The following GPM6B variants were observed in gnomAD, a reference collection of about 807,000 sequenced individuals.
GPM6B encodes the protein glycoprotein M6B, also known as neuronal membrane glycoprotein M6-b.
Under a neutral mutation model 27.2 loss-of-function variants are expected in GPM6B, and 4 were observed. That is an observed-to-expected ratio of 0.15 (90% CI 0.07 to 0.34). The LOEUF is 0.34. Ranked by LOEUF, GPM6B falls within the 10% of genes least tolerant of loss-of-function variation. GPM6B has a pLI of 1.00. For missense variants in GPM6B, 183 were observed against 261.9 expected, an observed-to-expected ratio of 0.70 and a Z score of 2.08; for synonymous variants, 124 against 103.1, an observed-to-expected ratio of 1.20 and a Z score of -1.23.
chrX:13,808,933 G>A (rs747925720), intron 1 of GPM6B, among the ~76,000 whole-genome samples: 14 of 112,101 alleles, frequency 1.2e-4, no homozygotes, highest in Admixed American at 2.8e-4. Flanking sequence ...TTCAAGGTAA[G>A]GTATACATAA....
intron 1 of GPM6B, among the ~76,000 whole-genome samples, chrX:13,878,914 T>C: frequency 8.9e-6 from 1 of 111,954 alleles, no homozygotes; most frequent in Non-Finnish European, 1.9e-5. Flanking sequence ...ATGTAGCCTC[T>C]AGAAGGTGGA....
At chrX:13,837,723 G>GGA (rs2049519684) in intron 1 of GPM6B, among the ~76,000 whole-genome samples, 1 of 86,025 alleles carries the variant, frequency 1.2e-5, no homozygotes, top group Non-Finnish European at 2.4e-5. Context: ...GGGGGGGGGG[G>GGA]GGGGGAAGCA....
chrX:13,817,786 T>C (rs1023656326), upstream of GPM6B, among the ~76,000 whole-genome samples: 2 of 112,190 alleles, frequency 1.8e-5, no homozygotes, highest in Admixed American at 9.5e-5. Flanking sequence ...CCCTTGTCTA[T>C]AGTTAATATA....
At chrX:13,916,749 T>C (rs1045538030) in intron 1 of GPM6B, among the ~76,000 whole-genome samples, 8 of 107,721 alleles carry the variant, frequency 7.4e-5, no homozygotes, top group African/African-American at 2.4e-4. Context: ...TTGGCTAAAA[T>C]GGGACTTCTG....
chrX:13,794,373 C>T (rs5979973), intron 2 of GPM6B, among the ~76,000 whole-genome samples: 32,274 of 109,497 alleles, frequency 0.29, 3,680 homozygotes, highest in Non-Finnish European at 0.35. Context: ...TTCATTAAAA[C>T]GCAGATTCTG....
chrX:13,780,568 A>T (rs1401852927), intron 4 of GPM6B, among the ~76,000 whole-genome samples: 1 of 112,144 alleles, frequency 8.9e-6, no homozygotes, highest in Admixed American at 9.4e-5. Context: ...AATCACGAAT[A>T]CAAGCTTAAT....
rs3747420 is a variant in GPM6B, at chrX:13,816,977, T to C, written c.-73A>G. 0.31 allele frequency: 356,102 copies of C among 1,151,297 alleles called. 40,250 individuals are homozygous for C. The highest frequency in any genetic ancestry group is 0.34 in the Non-Finnish European group (296,325 of 869,865). The allele number at this position is 1,151,297 out of a possible 1,213,427, so 94.9% of individuals were successfully genotyped here. A position where few individuals can be genotyped will look rare whatever the true frequency, so the allele number is the denominator to read the frequency against. On this transcript the variant is annotated 5_prime_UTR_variant, in exon 1 of 8. Transcript: ENST00000316715. ...TGTTTTTCCTCCTCTTCCTTTTCTT[T>C]TGGACTCCCCTCCGTCTCTTATTTA...
chrX:13,781,889 C>G (rs2048522778), intron 4 of GPM6B, among the ~76,000 whole-genome samples: 1 of 112,047 alleles, frequency 8.9e-6, no homozygotes, highest in East Asian at 2.8e-4. Context: ...TGGCTGATAC[C>G]TGTTTCAGAT....
rs190490622 is a variant in GPM6B at position 13,804,918 on chromosome X, A to G, written c.181+2732T>C. On this transcript the variant is annotated intron_variant, in intron 2 of 7. Coordinates refer to ENST00000316715, the MANE Select transcript of GPM6B (RefSeq NM_001001995.3). ...GGCAACGGCATTGATTTAGGACCCA[A>G]CAAAATCTGTAAGTGTCTGGAAAGG... is the stretch of plus-strand genomic sequence containing the variant. Among the ~76,000 whole-genome samples, 62 of 111,712 alleles carry G rather than the reference A, an allele frequency of 5.5e-4. 1 individual carries two copies. Among genetic ancestry groups the G allele is most frequent in the South Asian group, 3.8e-4 (1 of 2,618 alleles).
At chrX:13,822,533 A>ATT (rs1226831480) in intron 1 of GPM6B, among the ~76,000 whole-genome samples, 3 of 98,653 alleles carry the variant, frequency 3.0e-5, no homozygotes, top group Admixed American at 1.1e-4. Context: ...CGCCCAGCTA[A>ATT]TTTTTTTTTT....
At chrX:13,810,188 C>A (rs761065161) in intron 1 of GPM6B, among the ~76,000 whole-genome samples, 75 of 111,441 alleles carry the variant, frequency 6.7e-4, no homozygotes, top group African/African-American at 2.2e-3. Context: ...GAGATTCTCT[C>A]TCAGAAATAG....
chrX:13,803,151 A>G (rs1445142872), intron 2 of GPM6B, among the ~76,000 whole-genome samples: 1 of 111,700 alleles, frequency 9.0e-6, no homozygotes, highest in East Asian at 2.8e-4. Flanking sequence ...TCTACAAAGC[A>G]GATCAGTGAG....
intron 1 of GPM6B, among the ~76,000 whole-genome samples, chrX:13,845,978 G>C (rs973963211): frequency 1.8e-4 from 20 of 111,919 alleles, no homozygotes; most frequent in African/African-American, 5.9e-4. Flanking sequence ...GGGACACTGT[G>C]TCCAAACTGA....
chrX:13,830,283 T>G (rs763877888), intron 1 of GPM6B, among the ~76,000 whole-genome samples: 16 of 112,030 alleles, frequency 1.4e-4, no homozygotes, highest in Non-Finnish European at 2.8e-4. Flanking sequence ...ACACTTTCTG[T>G]TCTAAGCTCA....
At chrX:13,930,100 C>A (rs1354186730) in intron 1 of GPM6B, among the ~76,000 whole-genome samples, 6 of 111,835 alleles carry the variant, frequency 5.4e-5, no homozygotes, top group East Asian at 5.6e-4. Flanking sequence ...AATACTTTTT[C>A]TTTTGGCAGA....
At chrX:13,810,929 A>G (rs1016242342) in intron 1 of GPM6B, among the ~76,000 whole-genome samples, 1 of 111,842 alleles carries the variant, frequency 8.9e-6, no homozygotes, top group African/African-American at 3.2e-5. Context: ...AAATTTAAAT[A>G]AAGGCATTAA....
rs1450040496 is a variant in GPM6B at position 13,860,728 on chromosome X, C to CA, written c.-197-74921dup. 2.3e-4 allele frequency among the ~76,000 whole-genome samples: 25 copies of CA among 109,748 alleles called. No individual in the cohort carries two copies. The Admixed American group carries it at 2.5e-3, about 11-fold the overall frequency. ...GTGATTTCTGAGATTTTGGTGCACC[C>CA]ATAGCCCAAGCAGTGTACACTGTAC... On this transcript the variant is annotated intron_variant, in intron 1 of 6. Coordinates refer to the GPM6B transcript ENST00000398361.
intron 1 of GPM6B, among the ~76,000 whole-genome samples, chrX:13,859,139 T>C (rs1310070074): frequency 8.9e-6 from 1 of 112,330 alleles, no homozygotes; most frequent in Non-Finnish European, 1.9e-5. Context: ...GTGTACAATT[T>C]TACGAAATTT....
chrX:13,845,053 G>T (rs1470035750), intron 1 of GPM6B, among the ~76,000 whole-genome samples: 1 of 104,976 alleles, frequency 9.5e-6, no homozygotes, highest in African/African-American at 3.5e-5. Context: ...GCAGTGGTGT[G>T]ATCTTGGCTC....
Sources: allele counts gnomAD v4.1 joint callset (sites outside exome capture counted in the v4.1 genomes callset), GRCh38; gene constraint gnomAD v4.1.1; transcripts MANE v1.5; gene names NCBI Gene and HGNC (gene_info 2026-07-23, HGNC 2026-07-21).